The following CCNB2 variants were observed in gnomAD, a reference collection of about 807,000 sequenced individuals.
CCNB2 encodes the protein cyclin B2.
A neutral mutation model predicts 51.1 loss-of-function variants in CCNB2; 39 were observed. That is an observed-to-expected ratio of 0.76 (90% confidence interval 0.59 to 1.00). The LOEUF (loss-of-function observed/expected upper bound fraction) is 1.00, where lower values mean the gene tolerates loss of function less well. CCNB2 is among the 50% of genes least tolerant of loss of function. CCNB2 has a pLI of 0.00. For synonymous variants in CCNB2, 174 were observed against 165.5 expected (o/e 1.05, Z -0.40); for missense variants, 472 against 470.3 (o/e 1.00, Z -0.03).
rs758400651 is a variant in CCNB2, at chr15:59,114,618, G to C, written c.438+4G>C. 1 of 1,589,078 alleles carries C rather than the reference G, an allele frequency of 6.3e-7. No homozygotes were observed. Among genetic ancestry groups the C allele is most frequent in the African/African-American group, 1.3e-5 (1 of 74,188 alleles). ...TCAGTATCTCAGGCAGCTGGAGGTA[G>C]GTGGGCCTTTGTGTTTTGGTTGTAT... On this transcript the variant is annotated splice_donor_region_variant and intron_variant, in intron 4 of 8. Coordinates refer to ENST00000288207, the MANE Select transcript of CCNB2 (RefSeq NM_004701.4).
intron 7 of CCNB2, chr15:59,121,515 G>C (rs1408851550): frequency 1.3e-5 from 2 of 152,170 alleles, no homozygotes; most frequent in Non-Finnish European, 2.9e-5. Flanking sequence ...AAATTGTGTA[G>C]ACTGGGCACA....
At position 59,124,976 on chromosome 15, in the gene CCNB2, A is replaced by C. The variant is rs1479624488; in HGVS notation, c.*99A>C. ...CATAGTCCTCTGGTCTATCTCATGAAACCTCTTCTCAGACCAGTTTTCTAA... is the reference window on the plus strand; with the variant it reads ...CATAGTCCTCTGGTCTATCTCATGACACCTCTTCTCAGACCAGTTTTCTAA... On this transcript the variant is annotated 3_prime_UTR_variant, in exon 9 of 9. Coordinates refer to ENST00000288207, the MANE Select transcript of CCNB2 (RefSeq NM_004701.4). 4.7e-6 allele frequency: 3 copies of C among 640,430 alleles called. No homozygotes were observed. The highest frequency in any genetic ancestry group is 7.7e-6 in the Non-Finnish European group (3 of 391,850). The allele number at this position is 640,430 out of a possible 1,614,324, so 39.7% of individuals were successfully genotyped here. A position where few individuals can be genotyped will look rare whatever the true frequency, so the allele number is the denominator to read the frequency against.
rs1177745022 is a variant in CCNB2 at position 59,117,340 on chromosome 15, C to G, written c.947C>G (p.Ser316Cys). 2.5e-6 allele frequency: 4 copies of G among 1,613,992 alleles called. No individual in the cohort carries two copies. The highest frequency in any genetic ancestry group is 3.4e-6 in the Non-Finnish European group (4 of 1,179,998). Residue 316 changes from serine (S) to cysteine (C), a missense_variant, in exon 7 of 9, where the codon TCT becomes TGT. Physicochemically the swap from Ser to Cys is moderately radical, Grantham distance 112 (BLOSUM62 -1). Transcript: ENST00000288207. ...GTAGCAGCAGCTGCTTCCTGCTTGTCTCAGAAGGTTCTAGGACAAGGAAAA... is the reference window on the plus strand; with the variant it reads ...GTAGCAGCAGCTGCTTCCTGCTTGTGTCAGAAGGTTCTAGGACAAGGAAAA... ...SKVAAAASCL[S>C]QKVLGQGKWN...
intron 8 of CCNB2, chr15:59,123,875 G>C: frequency 2.4e-6 from 1 of 415,520 alleles, no homozygotes; most frequent in Non-Finnish European, 4.5e-6. Context: ...CCAGATCCCA[G>C]TCAACCAGTC....
chr15:59,112,861 C>T (rs1406848075), intron 3 of CCNB2, among the ~76,000 whole-genome samples: 2 of 151,276 alleles, frequency 1.3e-5, no homozygotes, highest in South Asian at 4.2e-4. Flanking sequence ...GGTGAAACCC[C>T]GTCTCTACTA....
At chr15:59,119,761 G>A (rs2079294706) in intron 7 of CCNB2, among the ~76,000 whole-genome samples, 1 of 152,158 alleles carries the variant, frequency 6.6e-6, no homozygotes, top group Admixed American at 6.5e-5. Flanking sequence ...AGGCTGGAGT[G>A]CAGTGCTGCT....
intron 8 of CCNB2, chr15:59,124,531 TGA>T: frequency 2.0e-6 from 1 of 505,288 alleles, no homozygotes; most frequent in Non-Finnish European, 3.5e-6. Context: ...ACTTGGACCT[TGA>T]AATCATTTGT....
rs533635687 is a variant in CCNB2, at chr15:59,122,373, C to T, written c.976-1144C>T. 4.7e-5 allele frequency among the ~76,000 whole-genome samples: 7 copies of T among 149,384 alleles called. No individual in the cohort carries two copies. The South Asian group carries it at 1.3e-3, about 27-fold the overall frequency. ...CAGCGATTCTCCTGCCTCAGGCGCA[C>T]ACCACCATGCCCGGGGAATTTATGT... On this transcript the variant is annotated intron_variant, in intron 7 of 8. Coordinates refer to ENST00000288207, the MANE Select transcript of CCNB2 (RefSeq NM_004701.4).
chr15:59,106,002 T>A (rs893028138), intron 1 of CCNB2, among the ~76,000 whole-genome samples: 1 of 152,218 alleles, frequency 6.6e-6, no homozygotes, highest in African/African-American at 2.4e-5. Context: ...CAAAGTGTTA[T>A]GGTGTTTTGG....
chr15:59,113,941 A>G (rs2079268081), intron 3 of CCNB2, among the ~76,000 whole-genome samples: 1 of 152,246 alleles, frequency 6.6e-6, no homozygotes, highest in Non-Finnish European at 1.5e-5. Context: ...GGCTCAAGCC[A>G]TCCACCTGCC....
chr15:59,107,489 A>C, intron 2 of CCNB2, 39 bp downstream of exon 2: 1 of 1,613,392 alleles, frequency 6.2e-7, no homozygotes. Context: ...ACAGAGGCCG[A>C]TTCTGTATAG....
intron 3 of CCNB2, among the ~76,000 whole-genome samples, chr15:59,110,436 G>A (rs929737276): frequency 6.6e-6 from 1 of 152,204 alleles, no homozygotes; most frequent in Non-Finnish European, 1.5e-5. Flanking sequence ...GATTTAGGTA[G>A]AGTCCCACCT....
At chr15:59,122,237 ATATCTTTTTTT>A (rs1420185493) in intron 7 of CCNB2, among the ~76,000 whole-genome samples, 1 of 115,166 alleles carries the variant, frequency 8.7e-6, no homozygotes, top group Admixed American at 9.7e-5. Context: ...GTCAGTTGAC[ATATCTTTTTTT>A]TTTTTTTTTT....
rs1014887347 is a variant in CCNB2 at position 59,105,151 on chromosome 15, T to A, written c.-118T>A. 1.3e-5 allele frequency: 12 copies of A among 928,022 alleles called. No individual in the cohort carries two copies. The highest frequency in any genetic ancestry group is 4.4e-4 in the Middle Eastern group (2 of 4,514). 57.5% of individuals were successfully genotyped at this position (928,022 alleles called of 1,614,324 possible). On this transcript the variant is annotated 5_prime_UTR_variant, in exon 1 of 9. Transcript: ENST00000288207. ...TGGAACAAGGCTACAGCGTCGAAGA[T>A]CCCCAGCGCTGCGGGCTCGGAGAGC...
At chr15:59,109,237 G>C (rs1243100337) in intron 3 of CCNB2, among the ~76,000 whole-genome samples, 14 of 152,016 alleles carry the variant, frequency 9.2e-5, no homozygotes, top group Admixed American at 6.6e-5. Flanking sequence ...TGTTGGCCTG[G>C]CTGGTCTCCA....
chr15:59,111,332 C>T (rs1335961244), intron 3 of CCNB2, among the ~76,000 whole-genome samples: 1 of 152,152 alleles, frequency 6.6e-6, no homozygotes, highest in Non-Finnish European at 1.5e-5. Flanking sequence ...CCACGCCAAG[C>T]CCTTGGTGGC....
intron 7 of CCNB2, among the ~76,000 whole-genome samples, chr15:59,119,833 A>G (rs554771777): frequency 5.6e-4 from 85 of 152,182 alleles, no homozygotes; most frequent in African/African-American, 2.0e-3. Context: ...TCAGCCTCCC[A>G]CGTAACTGGG....
rs2079231528 is a variant in CCNB2 at position 59,105,435 on chromosome 15, C to A, written c.24+143C>A. ...CGGAGCTCACTGCTTCGCCCGCGTC[C>A]CTGGCCCTGCGGCCGGTCCTCTCCG... is the stretch of plus-strand genomic sequence containing the variant. On this transcript the variant is annotated intron_variant, in intron 1 of 8. Transcript: ENST00000288207. The A allele has an allele frequency of 1.4e-5, 14 of 970,624 alleles. No homozygotes were observed. In the South Asian group the frequency reaches 1.9e-4, roughly 13 times the overall value. The allele number at this position is 970,624 out of a possible 1,614,324, so 60.1% of individuals were successfully genotyped here.
In CCNB2 at chr15:59,116,777, A is replaced by G. The variant is rs1566956992; in HGVS notation, c.685A>G (p.Asn229Asp). The G allele has an allele frequency of 6.2e-7, 1 of 1,613,966 alleles. No individual in the cohort carries two copies. The highest frequency in any genetic ancestry group is 2.2e-5 in the East Asian group (1 of 44,884). Residue 229 changes from asparagine (N) to aspartate (D), a missense_variant, in exon 6 of 9, where the codon AAT becomes GAT. Coordinates refer to ENST00000288207, the MANE Select transcript of CCNB2 (RefSeq NM_004701.4). ...CAAGTATGAGGAGATGTTTTCTCCAAATATTGAAGACTTTGTTTACATCAC... is the reference window on the plus strand; with the variant it reads ...CAAGTATGAGGAGATGTTTTCTCCAGATATTGAAGACTTTGTTTACATCAC... ...ASKYEEMFSP[N>D]IEDFVYITDN...
Sources: allele counts gnomAD v4.1 joint callset (sites outside exome capture counted in the v4.1 genomes callset), GRCh38; gene constraint gnomAD v4.1.1; transcripts MANE v1.5; gene names NCBI Gene and HGNC (gene_info 2026-07-23, HGNC 2026-07-21).